Variants in PCED1B observed in about 807,000 individuals in gnomAD.
The protein encoded by PCED1B is PC-esterase domain containing 1B, also known as PC-esterase domain-containing protein 1B.
For synonymous variants in PCED1B, 251 were observed against 246.1 expected, an observed-to-expected ratio of 1.02 and a Z score of -0.19; for missense variants, 573 against 573.9, an observed-to-expected ratio of 1.00 and a Z score of 0.02.
At chr12:47,142,085 A>G (rs1940615438) in intron 2 of PCED1B, among the ~76,000 whole-genome samples, 2 of 152,282 alleles carry the variant, frequency 1.3e-5, no homozygotes, top group South Asian at 4.1e-4. Context: ...CCAGCTGTAG[A>G]CCAAGCTTCG....
intron 2 of PCED1B, among the ~76,000 whole-genome samples, chr12:47,199,611 T>C (rs1454066800): frequency 6.6e-6 from 1 of 152,166 alleles, no homozygotes; most frequent in Non-Finnish European, 1.5e-5. Context: ...GGCAATTCAA[T>C]AGAGAAAGAC....
Position 47,217,974 on chromosome 12 carries a change from A to G in PCED1B, c.-58+1285A>G, listed in dbSNP as rs149507348. Among the ~76,000 whole-genome samples the G allele has an allele frequency of 2.6e-3, 397 of 152,332 alleles. 2 individuals carry two copies. The highest frequency in any genetic ancestry group is 6.8e-3 in the Middle Eastern group (2 of 294). ...ATGCCACTAAATAATTAATGTTGCT[A>G]AATAATAAGTTAAATGCTTCATTTA... On this transcript the variant is annotated intron_variant, in intron 3 of 3. Coordinates refer to ENST00000546455, the MANE Select transcript of PCED1B (RefSeq NM_138371.3).
intron 2 of PCED1B, among the ~76,000 whole-genome samples, chr12:47,193,019 C>G (rs368181359): frequency 1.2e-4 from 19 of 152,290 alleles, no homozygotes; most frequent in African/African-American, 4.6e-4. Context: ...TTACTGAATG[C>G]TTTATGCACA....
chr12:47,172,340 C>CTTTTTTTTTTTTTTTTTTTTTGTTTT (rs1941776009), intron 2 of PCED1B, among the ~76,000 whole-genome samples: 1 of 78,338 alleles, frequency 1.3e-5, no homozygotes, highest in African/African-American at 4.8e-5. Context: ...TCGTGGGTTG[C>CTTTTTTTTTTTTTTTTTTTTTGTTTT]TTTTTTTTTT....
rs531812495 is a variant in PCED1B, at chr12:47,105,164, A to G, written c.-526+969A>G. Among the ~76,000 whole-genome samples the G allele has an allele frequency of 3.9e-5, 6 of 152,228 alleles. No individual in the cohort carries two copies. In the East Asian group the frequency reaches 1.2e-3, roughly 29 times the overall value. Reference sequence around the variant, plus strand: ...CCTTCAAGATGCAGAGTTCAGGGAAAGCTCCTATACAGAGGGGAGTGGGAG... The same window carrying G: ...CCTTCAAGATGCAGAGTTCAGGGAAGGCTCCTATACAGAGGGGAGTGGGAG... On this transcript the variant is annotated intron_variant, in intron 2 of 3. Transcript: ENST00000546455.
At position 47,216,517 on chromosome 12, in the gene PCED1B, C is replaced by T. The variant is rs757081029; in HGVS notation, c.-230C>T. 3.3e-5 allele frequency: 5 copies of T among 152,214 alleles called. No homozygotes were observed. The highest frequency in any genetic ancestry group is 3.8e-4 in the East Asian group (2 of 5,198). 9.4% of individuals were successfully genotyped at this position (152,214 alleles called of 1,614,324 possible). On this transcript the variant is annotated 5_prime_UTR_variant, in exon 3 of 4. It adds an upstream start codon to the 5' untranslated region. Coordinates refer to ENST00000546455, the MANE Select transcript of PCED1B (RefSeq NM_138371.3). Reference sequence around the variant, plus strand: ...CCGGAAATGTCATCTTCTCCCCAGACGCTGGCTTGCAAGCACAGCAGCACC... The same window carrying T: ...CCGGAAATGTCATCTTCTCCCCAGATGCTGGCTTGCAAGCACAGCAGCACC...
chr12:47,216,984 T>C (rs1288401833), intron 3 of PCED1B, among the ~76,000 whole-genome samples: 1 of 152,230 alleles, frequency 6.6e-6, no homozygotes, highest in Non-Finnish European at 1.5e-5. Flanking sequence ...TCTTGTATGT[T>C]GTGGTTGACC....
intron 2 of PCED1B, among the ~76,000 whole-genome samples, chr12:47,121,013 A>C (rs747252544): frequency 6.6e-6 from 1 of 152,148 alleles, no homozygotes; most frequent in Non-Finnish European, 1.5e-5. Context: ...TAGAAAAGGG[A>C]CATAGCTAAA....
chr12:47,110,576 C>T (rs1326895527), intron 2 of PCED1B, among the ~76,000 whole-genome samples: 1 of 152,152 alleles, frequency 6.6e-6, no homozygotes, highest in African/African-American at 2.4e-5. Flanking sequence ...ACCCTTAATA[C>T]ACAAAGATAC....
At chr12:47,171,113 G>T (rs1317255597) in intron 2 of PCED1B, among the ~76,000 whole-genome samples, 3 of 142,366 alleles carry the variant, frequency 2.1e-5, no homozygotes, top group Non-Finnish European at 3.0e-5. Flanking sequence ...TATTGCCCAG[G>T]CTGGAGTGCA....
At position 47,123,281 on chromosome 12, in the gene PCED1B, A is replaced by C. The variant is rs545284813; in HGVS notation, c.-526+19086A>C. ...TGCTTTCATGTTACCGAACACTAAA[A>C]ATTGTTTTGTAAGATATAACAGACA... On this transcript the variant is annotated intron_variant, in intron 2 of 3. Coordinates refer to ENST00000546455, the MANE Select transcript of PCED1B (RefSeq NM_138371.3). Among the ~76,000 whole-genome samples, 8 of 152,274 alleles carry C rather than the reference A, an allele frequency of 5.3e-5. No homozygotes were observed. In the South Asian group the frequency reaches 1.7e-3, roughly 32 times the overall value.
intron 2 of PCED1B, chr12:47,138,347 G>C (rs1237110180): frequency 6.6e-6 from 1 of 152,188 alleles, no homozygotes; most frequent in Non-Finnish European, 1.5e-5. Context: ...GATCAGATCT[G>C]CCCTTCTTAG....
intron 2 of PCED1B, among the ~76,000 whole-genome samples, chr12:47,160,293 C>CTTTTTTTTTTTTTTTTTTTTTTT (rs59856338): frequency 4.9e-4 from 34 of 69,224 alleles, no homozygotes; most frequent in Non-Finnish European, 6.8e-4. Flanking sequence ...TTTTCTTTTT[C>CTTTTTTTTTTTTTTTTTTTTTTT]TTTTTTTTTT....
intron 2 of PCED1B, among the ~76,000 whole-genome samples, chr12:47,179,725 T>C (rs1942035967): frequency 6.6e-6 from 1 of 152,142 alleles, no homozygotes; most frequent in South Asian, 2.1e-4. Context: ...TCAATCCATT[T>C]AAGAAATCTT....
chr12:47,154,984 G>A (rs1040065738), intron 2 of PCED1B, among the ~76,000 whole-genome samples: 38 of 152,138 alleles, frequency 2.5e-4, no homozygotes, highest in African/African-American at 8.0e-4. Flanking sequence ...GGGGTGGGGA[G>A]AAGAAGGGTG....
chr12:47,138,092 A>T (rs1353077424), intron 2 of PCED1B: 1 of 152,240 alleles, frequency 6.6e-6, no homozygotes, highest in Non-Finnish European at 1.5e-5. Flanking sequence ...AAAGATGATG[A>T]GTTGGGATAA....
chr12:47,225,983 A>G (rs1233676908), intron 3 of PCED1B, among the ~76,000 whole-genome samples: 1 of 152,242 alleles, frequency 6.6e-6, no homozygotes, highest in Non-Finnish European at 1.5e-5. Context: ...GCAATAGTCA[A>G]TGAGTTGTAA....
intron 2 of PCED1B, among the ~76,000 whole-genome samples, chr12:47,163,257 T>C (rs574274167): frequency 2.6e-5 from 4 of 152,360 alleles, no homozygotes; most frequent in African/African-American, 9.6e-5. Flanking sequence ...ATTTTGTGCA[T>C]TGACTTTGTA....
chr12:47,089,491 T>G (rs1177776225), intron 1 of PCED1B, among the ~76,000 whole-genome samples: 2 of 84,040 alleles, frequency 2.4e-5, no homozygotes, highest in African/African-American at 1.1e-4. Context: ...TATATATATA[T>G]ATGTATATAC....
Sources: gnomAD v4.1 joint callset for allele counts (sites outside exome capture counted in the v4.1 genomes callset) on GRCh38, gnomAD v4.1.1 for gene constraint, MANE v1.5 for transcripts, NCBI Gene and HGNC (gene_info 2026-07-23, HGNC 2026-07-21) for gene names.